C3orf52: variants seen among roughly 807,000 people sequenced by gnomAD.
C3orf52 encodes the protein chromosome 3 open reading frame 52.
C3orf52 carries 22 observed loss-of-function variants against 24.8 expected under a neutral mutation model. The observed-to-expected ratio is 0.89, with a 90% CI of 0.63 to 1.27. C3orf52 has a LOEUF of 1.27. C3orf52 is among the 50% of genes most tolerant of loss of function. The pLI is 0.00. For missense variants in C3orf52, 265 were observed against 260.7 expected (o/e 1.02, Z -0.11); for synonymous variants, 93 against 100.2 (o/e 0.93, Z 0.43).
intron 1 of C3orf52, among the ~76,000 whole-genome samples, chr3:112,092,461 T>G (rs925876727): frequency 6.6e-6 from 1 of 152,144 alleles, no homozygotes; most frequent in Non-Finnish European, 1.5e-5. Context: ...TAGGGTAAGG[T>G]GGGGGCCCCT....
At chr3:112,114,921 G>T (rs905175407) in intron 5 of C3orf52, among the ~76,000 whole-genome samples, 1 of 152,198 alleles carries the variant, frequency 6.6e-6, no homozygotes, top group South Asian at 2.1e-4. Flanking sequence ...AATAGTACAG[G>T]ATAAAGGGCA....
rs2074148403 is a variant in C3orf52, at chr3:112,117,606, CT to C, written c.*961del. 6.6e-6 allele frequency: 1 copy of C among 152,202 alleles called. No homozygotes were observed. Among genetic ancestry groups the C allele is most frequent in the African/African-American group, 2.4e-5 (1 of 41,436 alleles). 9.4% of individuals were successfully genotyped at this position (152,202 alleles called of 1,614,324 possible). A position where few individuals can be genotyped will look rare whatever the true frequency, so the allele number is the denominator to read the frequency against. On this transcript the variant is annotated 3_prime_UTR_variant, in exon 6 of 6. Coordinates refer to ENST00000264848, the MANE Select transcript of C3orf52 (RefSeq NM_024616.3). Reference sequence around the variant, plus strand: ...TTGTTGCCTAGTGCTACAAACCTTCCTGTGGGACTCAGTGTCTTCAGGCAAT... The same window carrying C: ...TTGTTGCCTAGTGCTACAAACCTTCCGTGGGACTCAGTGTCTTCAGGCAAT...
chr3:112,106,770 G>A (rs1003879133), intron 3 of C3orf52, among the ~76,000 whole-genome samples: 1 of 152,136 alleles, frequency 6.6e-6, no homozygotes, highest in Non-Finnish European at 1.5e-5. Flanking sequence ...TCCTCTCAGG[G>A]TTGGGGCCAT....
downstream of C3orf52, chr3:112,132,737 G>T: frequency 3.5e-6 from 3 of 864,756 alleles, no homozygotes; most frequent in Non-Finnish European, 4.2e-6. Context: ...TGGTGATTTT[G>T]ACCTCCTTGT....
downstream of C3orf52, chr3:112,132,968 T>G (rs1293632427): frequency 3.6e-5 from 35 of 959,344 alleles, 2 homozygotes; most frequent in Admixed American, 7.5e-4. Flanking sequence ...CTTGGCAGTT[T>G]CCTTACCCAA....
At chr3:112,100,379 T>A (rs1576139789) in intron 2 of C3orf52, among the ~76,000 whole-genome samples, 1 of 152,248 alleles carries the variant, frequency 6.6e-6, no homozygotes, top group Admixed American at 6.5e-5. Context: ...TCTACACGAA[T>A]AAGTATAGCC....
intron 1 of C3orf52, among the ~76,000 whole-genome samples, chr3:112,088,505 C>T (rs920848115): frequency 1.3e-5 from 2 of 151,034 alleles, no homozygotes; most frequent in African/African-American, 2.5e-5. Context: ...AAGAGGAAGG[C>T]GTCAGTATTC....
chr3:112,123,213 C>A (rs2074233071), downstream of C3orf52: 5 of 654,910 alleles, frequency 7.6e-6, no homozygotes, highest in Non-Finnish European at 1.2e-5. Context: ...CTCTCCAAAC[C>A]ATGTAGAACC....
intron 4 of C3orf52, chr3:112,112,471 T>C (rs758858059): frequency 6.1e-6 from 1 of 163,892 alleles, no homozygotes; most frequent in Non-Finnish European, 1.3e-5. Context: ...TAGGAAACTT[T>C]GGCTGTGCCT....
downstream of C3orf52, chr3:112,135,205 T>C (rs1422481104): frequency 7.0e-6 from 1 of 143,704 alleles, no homozygotes; most frequent in Non-Finnish European, 1.5e-5. Context: ...GATGGTTGTT[T>C]CCAGTTTGGT....
intron 4 of C3orf52, among the ~76,000 whole-genome samples, chr3:112,127,677 C>G: frequency 6.6e-6 from 1 of 152,094 alleles, no homozygotes; most frequent in Non-Finnish European, 1.5e-5. Flanking sequence ...ACTATCACCC[C>G]GACTATAAGT....
At chr3:112,103,443 T>G (rs551621599) in intron 3 of C3orf52, among the ~76,000 whole-genome samples, 21 of 152,228 alleles carry the variant, frequency 1.4e-4, no homozygotes, top group Non-Finnish European at 2.6e-4. Context: ...GGCCTCCAGC[T>G]GCATAAATGC....
chr3:112,097,067 G>A (rs373885174), intron 2 of C3orf52, among the ~76,000 whole-genome samples: 2 of 152,154 alleles, frequency 1.3e-5, no homozygotes, highest in Admixed American at 1.3e-4. Flanking sequence ...TAGGGAAAAG[G>A]TATTAATGGA....
chr3:112,104,932 A>G (rs2074009835), intron 3 of C3orf52, among the ~76,000 whole-genome samples: 2 of 152,002 alleles, frequency 1.3e-5, no homozygotes, highest in African/African-American at 4.8e-5. Flanking sequence ...TGCTTTTTTA[A>G]TGGAGAGGTT....
intron 2 of C3orf52, among the ~76,000 whole-genome samples, chr3:112,100,362 T>C (rs962435013): frequency 8.5e-5 from 13 of 152,156 alleles, no homozygotes; most frequent in African/African-American, 3.1e-4. Flanking sequence ...TTTAAAAATA[T>C]GTTTTTTCTA....
chr3:112,105,733 G>A (rs1407712446), intron 3 of C3orf52, among the ~76,000 whole-genome samples: 2 of 150,020 alleles, frequency 1.3e-5, no homozygotes, highest in Admixed American at 6.7e-5. Flanking sequence ...TGAGGCAGGC[G>A]AATGGTGTGA....
At chr3:112,093,980 T>C (rs759407673) in intron 2 of C3orf52, among the ~76,000 whole-genome samples, 70 of 152,034 alleles carry the variant, frequency 4.6e-4, no homozygotes, top group Middle Eastern at 3.4e-3. Context: ...CTGTCATTAT[T>C]TTAACTTATT....
At chr3:112,103,879 T>A (rs1348027700) in intron 3 of C3orf52, among the ~76,000 whole-genome samples, 1 of 152,152 alleles carries the variant, frequency 6.6e-6, no homozygotes, top group African/African-American at 2.4e-5. Flanking sequence ...AGGCGTCAGG[T>A]CATGAAGGCT....
In C3orf52 at chr3:112,107,798, G is replaced by A. The variant is rs1028636447; in HGVS notation, c.397-1745G>A. Among the ~76,000 whole-genome samples, 11 of 152,190 alleles carry A rather than the reference G, an allele frequency of 7.2e-5. No homozygotes were observed. In the East Asian group the frequency reaches 7.7e-4, roughly 11 times the overall value. On this transcript the variant is annotated intron_variant, in intron 3 of 5. Coordinates refer to ENST00000264848, the MANE Select transcript of C3orf52 (RefSeq NM_024616.3). ...CAACAGTAGTGACAAGATTAGAAGAGCAGAAATAGCAGGCACTCTCATCTT... is the reference window on the plus strand; with the variant it reads ...CAACAGTAGTGACAAGATTAGAAGAACAGAAATAGCAGGCACTCTCATCTT...
Sources: allele counts gnomAD v4.1 joint callset (sites outside exome capture counted in the v4.1 genomes callset), GRCh38; gene constraint gnomAD v4.1.1; transcripts MANE v1.5; gene names NCBI Gene and HGNC (gene_info 2026-07-23, HGNC 2026-07-21).